The following CNTNAP5 variants were observed in gnomAD, a reference collection of about 807,000 sequenced individuals.
CNTNAP5 encodes the protein contactin associated protein family member 5, also known as contactin-associated protein-like 5.
A neutral mutation model predicts 150.2 loss-of-function variants in CNTNAP5; 72 were observed. The observed-to-expected ratio is 0.48, with a 90% confidence interval of 0.40 to 0.58. The LOEUF (loss-of-function observed/expected upper bound fraction) is 0.58, where lower values mean the gene tolerates loss of function less well. CNTNAP5 is among the 20% of genes least tolerant of loss of function. The pLI is 0.00. For missense variants in CNTNAP5, 1,636 were observed against 1,626.2 expected, an observed-to-expected ratio of 1.01 and a Z score of -0.10; for synonymous variants, 672 against 619.8, an observed-to-expected ratio of 1.08 and a Z score of -1.25.
chr2:124,040,883 C>T (rs1489050516), intron 1 of CNTNAP5, among the ~76,000 whole-genome samples: 1 of 152,086 alleles, frequency 6.6e-6, no homozygotes, highest in Non-Finnish European at 1.5e-5. Flanking sequence ...GTGACAGTTG[C>T]TGTATTTTGT....
rs1248360788 is a variant in CNTNAP5, at chr2:124,786,444, AAG to A, written c.2753-3457_2753-3456del. Among the ~76,000 whole-genome samples, 608 of 112,794 alleles carry A rather than the reference AAG, an allele frequency of 5.4e-3. 6 individuals carry two copies. Among genetic ancestry groups the A allele is most frequent in the Non-Finnish European group, 8.6e-3 (459 of 53,644 alleles). The allele number at this position is 112,794 out of a possible 152,430, so 74.0% of individuals were successfully genotyped here. ...GAAGGAAGGAAGGAAGGAAGGAAGG[AAG>A]GAAAGAAAGAAAGAAAGAAAGGAAG... is the stretch of plus-strand genomic sequence containing the variant. On this transcript the variant is annotated intron_variant, in intron 17 of 23. Transcript: ENST00000682447.
chr2:124,256,296 G>A (rs801923), intron 3 of CNTNAP5, among the ~76,000 whole-genome samples: 50,588 of 151,858 alleles, frequency 0.33, 8,780 homozygotes, highest in Admixed American at 0.41. Context: ...AGGATATGCC[G>A]TACCTTTGAA....
intron 11 of CNTNAP5, among the ~76,000 whole-genome samples, chr2:124,572,160 G>A (rs922094956): frequency 6.6e-6 from 1 of 152,138 alleles, no homozygotes; most frequent in Non-Finnish European, 1.5e-5. Context: ...CCTTGAATCC[G>A]TTAATGAACA....
At chr2:124,489,408 A>G (rs1009060176) in intron 7 of CNTNAP5, among the ~76,000 whole-genome samples, 1 of 152,130 alleles carries the variant, frequency 6.6e-6, no homozygotes, top group African/African-American at 2.4e-5. Context: ...TCATTTTCTT[A>G]TAAGGACACC....
chr2:124,643,945 T>C (rs1678149782), intron 12 of CNTNAP5, among the ~76,000 whole-genome samples: 1 of 152,202 alleles, frequency 6.6e-6, no homozygotes, highest in South Asian at 2.1e-4. Flanking sequence ...GAAGAAGTAA[T>C]AATTTCATCA....
intron 10 of CNTNAP5, among the ~76,000 whole-genome samples, chr2:124,551,656 A>G (rs1266838458): frequency 1.3e-5 from 2 of 152,198 alleles, no homozygotes; most frequent in African/African-American, 2.4e-5. Flanking sequence ...TCAATTTTAT[A>G]AAGAAGGAAT....
chr2:124,224,849 A>G (rs1477252683), intron 2 of CNTNAP5, among the ~76,000 whole-genome samples: 1 of 152,148 alleles, frequency 6.6e-6, no homozygotes, highest in East Asian at 1.9e-4. Context: ...TATCAGTATA[A>G]AATACTGATT....
At chr2:124,817,414 A>G (rs1476068242) in intron 19 of CNTNAP5, among the ~76,000 whole-genome samples, 17 of 152,304 alleles carry the variant, frequency 1.1e-4, no homozygotes, top group Admixed American at 1.1e-3. Flanking sequence ...TCAAAAAAAA[A>G]GTAAAACAAC....
At chr2:124,044,889 A>AACACACACACAC (rs147761848) in intron 1 of CNTNAP5, among the ~76,000 whole-genome samples, 6 of 143,996 alleles carry the variant, frequency 4.2e-5, no homozygotes, top group East Asian at 2.1e-4. Context: ...GTAGTGAGGA[A>AACACACACACAC]ACACACACAC....
intron 19 of CNTNAP5, among the ~76,000 whole-genome samples, chr2:124,848,220 T>A (rs1483966123): frequency 6.6e-6 from 1 of 152,218 alleles, no homozygotes; most frequent in Admixed American, 6.5e-5. Context: ...TTCTACCTTC[T>A]GCTTCTATGA....
At chr2:124,052,043 C>A (rs983550815) in intron 1 of CNTNAP5, among the ~76,000 whole-genome samples, 2 of 152,108 alleles carry the variant, frequency 1.3e-5, no homozygotes, top group African/African-American at 2.4e-5. Flanking sequence ...CAACTTTTTA[C>A]TACTAGATTC....
chr2:124,498,213 C>T (rs1021000274), intron 7 of CNTNAP5, among the ~76,000 whole-genome samples: 8 of 152,164 alleles, frequency 5.3e-5, no homozygotes, highest in South Asian at 2.1e-4. Flanking sequence ...TTCTCTCTCA[C>T]GGTTTGCTTC....
chr2:124,318,975 T>G (rs1689035976), intron 3 of CNTNAP5, among the ~76,000 whole-genome samples: 1 of 152,172 alleles, frequency 6.6e-6, no homozygotes, highest in African/African-American at 2.4e-5. Context: ...TCCCCTCTTT[T>G]GCGAAATACC....
At chr2:124,464,844 C>A (rs367714887) in intron 6 of CNTNAP5, among the ~76,000 whole-genome samples, 8 of 152,066 alleles carry the variant, frequency 5.3e-5, no homozygotes, top group Admixed American at 2.0e-4. Context: ...TTTGCATGTA[C>A]CTCAGCAAAC....
chr2:124,479,718 C>T (rs976954872), intron 7 of CNTNAP5, among the ~76,000 whole-genome samples: 4 of 152,100 alleles, frequency 2.6e-5, no homozygotes, highest in Admixed American at 2.6e-4. Context: ...TTCTTTTGTC[C>T]TAGAGGGAAA....
At chr2:124,830,017 A>G (rs1223322395) in intron 19 of CNTNAP5, among the ~76,000 whole-genome samples, 1 of 151,616 alleles carries the variant, frequency 6.6e-6, no homozygotes, top group Non-Finnish European at 1.5e-5. Flanking sequence ...AGCTGATACC[A>G]TATTAGATTT....
At chr2:124,672,905 A>G (rs949474214) in intron 13 of CNTNAP5, among the ~76,000 whole-genome samples, 3 of 152,200 alleles carry the variant, frequency 2.0e-5, no homozygotes, top group Non-Finnish European at 4.4e-5. Context: ...AGAGATAATT[A>G]GAAGTGACTA....
chr2:124,038,695 T>A (rs977052698), intron 1 of CNTNAP5, among the ~76,000 whole-genome samples: 3 of 152,176 alleles, frequency 2.0e-5, no homozygotes, highest in Non-Finnish European at 4.4e-5. Flanking sequence ...TTGAAGAAAA[T>A]AGAATGAAGG....
At chr2:124,809,069 T>C (rs924727960) in intron 19 of CNTNAP5, among the ~76,000 whole-genome samples, 1 of 152,026 alleles carries the variant, frequency 6.6e-6, no homozygotes, top group East Asian at 1.9e-4. Context: ...ACTGGAATTA[T>C]AGAAATGTCC....
Sources: gnomAD v4.1 joint callset for allele counts (sites outside exome capture counted in the v4.1 genomes callset) on GRCh38, gnomAD v4.1.1 for gene constraint, MANE v1.5 for transcripts, NCBI Gene and HGNC (gene_info 2026-07-23, HGNC 2026-07-21) for gene names.